The following CSMD3 variants were observed in gnomAD, a reference collection of about 807,000 sequenced individuals.
CSMD3 encodes the protein CUB and Sushi multiple domains 3.
CSMD3 carries 177 observed loss-of-function variants against 435.2 expected under a neutral mutation model. The observed-to-expected ratio is 0.41, with a 90% CI of 0.36 to 0.46. CSMD3 has a LOEUF of 0.46. CSMD3 is among the 20% of genes least tolerant of loss of function. The pLI is 0.34. For synonymous variants in CSMD3, 1,656 were observed against 1,520.5 expected (o/e 1.09, Z -2.07); for missense variants, 4,265 against 4,504.6 (o/e 0.95, Z 1.52).
At chr8:112,751,867 G>A (rs2077579489) in intron 13 of CSMD3, among the ~76,000 whole-genome samples, 1 of 151,986 alleles carries the variant, frequency 6.6e-6, no homozygotes, top group African/African-American at 2.4e-5. Flanking sequence ...ATGCAGGTTT[G>A]TTACATAGGT....
At chr8:113,249,393 C>A (rs1006950750) in intron 3 of CSMD3, among the ~76,000 whole-genome samples, 2 of 152,020 alleles carry the variant, frequency 1.3e-5, no homozygotes, top group Non-Finnish European at 2.9e-5. Context: ...CACGTTCTTC[C>A]AGAAATGTTT....
At chr8:113,063,401 A>G (rs553749361) in intron 5 of CSMD3, among the ~76,000 whole-genome samples, 1 of 151,982 alleles carries the variant, frequency 6.6e-6, no homozygotes. Context: ...TTTAAAACAG[A>G]TACTACATTT....
At chr8:112,664,738 C>G (rs1004765945) in intron 17 of CSMD3, among the ~76,000 whole-genome samples, 2 of 151,988 alleles carry the variant, frequency 1.3e-5, no homozygotes, top group Admixed American at 1.3e-4. Context: ...GTGTCCAGGA[C>G]ATAAACACAC....
chr8:112,644,273 A>G (rs1305469957), intron 20 of CSMD3, among the ~76,000 whole-genome samples: 1 of 151,922 alleles, frequency 6.6e-6, no homozygotes. Flanking sequence ...ACATACTTAT[A>G]CACTTCTAAT....
At chr8:112,473,363 T>A (rs1818715702) in intron 31 of CSMD3, among the ~76,000 whole-genome samples, 1 of 152,112 alleles carries the variant, frequency 6.6e-6, no homozygotes, top group Non-Finnish European at 1.5e-5. Context: ...GATTCATAGT[T>A]CTAGAACTCA....
At chr8:112,822,933 C>T (rs1465384318) in intron 12 of CSMD3, among the ~76,000 whole-genome samples, 1 of 152,088 alleles carries the variant, frequency 6.6e-6, no homozygotes, top group African/African-American at 2.4e-5. Flanking sequence ...TGATGGATTA[C>T]ACTTATTAAT....
chr8:112,836,421 A>G (rs2080025689), intron 11 of CSMD3, among the ~76,000 whole-genome samples: 1 of 151,796 alleles, frequency 6.6e-6, no homozygotes, highest in African/African-American at 2.4e-5. Context: ...CTGCTCATCC[A>G]ATTATGAGTT....
rs1588368771 is a variant in CSMD3 at position 113,249,718 on chromosome 8, GT to G, written c.514+28873del. ...GTGAATTCTCTGAGCTCCCAAAACT[GT>G]TACATTGTTACATTATTTTCCTGTA... On this transcript the variant is annotated intron_variant, in intron 3 of 70. Transcript: ENST00000297405. Among the ~76,000 whole-genome samples, 3 of 151,894 alleles carry G rather than the reference GT, an allele frequency of 2.0e-5. No individual in the cohort carries two copies. The East Asian group carries it at 5.8e-4, about 29-fold the overall frequency.
At chr8:112,784,276 C>G (rs2078478753) in intron 13 of CSMD3, among the ~76,000 whole-genome samples, 1 of 151,746 alleles carries the variant, frequency 6.6e-6, no homozygotes, top group East Asian at 1.9e-4. Context: ...TTAGATACAG[C>G]AATAGCAGTA....
Position 112,851,962 on chromosome 8 carries a change from A to C in CSMD3, c.1755+7183T>G, listed in dbSNP as rs139473865. On this transcript the variant is annotated intron_variant, in intron 11 of 70. Transcript: ENST00000297405. ...AAGTAGATGGCAGTAAAGGAAGAGAAAGGTTATTTTGGGAAGATTGGTTCA... is the reference window on the plus strand; with the variant it reads ...AAGTAGATGGCAGTAAAGGAAGAGACAGGTTATTTTGGGAAGATTGGTTCA... Among the ~76,000 whole-genome samples, 598 of 152,266 alleles carry C rather than the reference A, an allele frequency of 3.9e-3. 1 individual carries two copies. The highest frequency in any genetic ancestry group is 0.037 in the Middle Eastern group (11 of 294).
chr8:112,935,408 TTTTTA>T (rs1017855570), intron 9 of CSMD3, among the ~76,000 whole-genome samples: 4 of 152,088 alleles, frequency 2.6e-5, no homozygotes, highest in African/African-American at 7.2e-5. Flanking sequence ...AATTTTAAGG[TTTTTA>T]TTTTATTTTA....
chr8:112,605,107 T>C (rs1432605770), intron 22 of CSMD3, among the ~76,000 whole-genome samples: 1 of 152,086 alleles, frequency 6.6e-6, no homozygotes, highest in African/African-American at 2.4e-5. Context: ...CCAGAATAGC[T>C]ATTAATAAAA....
intron 24 of CSMD3, among the ~76,000 whole-genome samples, chr8:112,562,863 G>A (rs1314930876): frequency 6.6e-6 from 1 of 151,258 alleles, no homozygotes; most frequent in Non-Finnish European, 1.5e-5. Context: ...TAACATATAT[G>A]GCAAGCATAT....
intron 13 of CSMD3, among the ~76,000 whole-genome samples, chr8:112,781,514 G>A (rs1411535727): frequency 1.3e-5 from 2 of 152,120 alleles, no homozygotes; most frequent in Non-Finnish European, 2.9e-5. Context: ...CCACCTGGAA[G>A]AGAATGGCAC....
intron 13 of CSMD3, among the ~76,000 whole-genome samples, chr8:112,780,670 A>C (rs1301140800): frequency 6.6e-6 from 1 of 152,030 alleles, no homozygotes; most frequent in Non-Finnish European, 1.5e-5. Context: ...GGGAGAACAC[A>C]ACAATTGCGT....
chr8:112,337,451 G>A, intron 43 of CSMD3, 92 bp downstream of exon 43: 1 of 927,472 alleles, frequency 1.1e-6, no homozygotes, highest in Non-Finnish European at 1.8e-6. Flanking sequence ...TATTTAGCAT[G>A]CTATTGGAAG....
chr8:112,468,924 A>G (rs988712240), intron 32 of CSMD3, among the ~76,000 whole-genome samples: 7 of 152,062 alleles, frequency 4.6e-5, no homozygotes, highest in Non-Finnish European at 8.8e-5. Context: ...TCTGACCCCA[A>G]TACCTGAATT....
chr8:112,766,263 T>C (rs956940813), intron 13 of CSMD3, among the ~76,000 whole-genome samples: 1 of 151,602 alleles, frequency 6.6e-6, no homozygotes, highest in Non-Finnish European at 1.5e-5. Flanking sequence ...TTAATGGTAA[T>C]TAAATTGTCC....
chr8:112,413,057 C>A (rs1416473587), intron 32 of CSMD3, among the ~76,000 whole-genome samples: 1 of 152,202 alleles, frequency 6.6e-6, no homozygotes, highest in Non-Finnish European at 1.5e-5. Flanking sequence ...AGTTCTCGAC[C>A]ACATTTTTAA....
Sources: gnomAD v4.1 joint callset for allele counts (sites outside exome capture counted in the v4.1 genomes callset) on GRCh38, gnomAD v4.1.1 for gene constraint, MANE v1.5 for transcripts, NCBI Gene and HGNC (gene_info 2026-07-23, HGNC 2026-07-21) for gene names.